Variants in THSD4 observed in about 807,000 individuals in gnomAD.
THSD4 encodes the protein thrombospondin type-1 domain-containing protein 4.
In THSD4, 69 loss-of-function variants were observed where a neutral mutation model predicts 119.0. The ratio of observed to expected loss-of-function variants is 0.58; its 90% CI spans 0.48 to 0.71. THSD4 has a LOEUF of 0.71. Ranked by LOEUF, THSD4 falls within the 30% of genes least tolerant of loss-of-function variation. The pLI is 0.00. For missense variants in THSD4, 1,393 were observed against 1,391.1 expected (o/e 1.00, Z -0.02); for synonymous variants, 524 against 540.4 (o/e 0.97, Z 0.42).
intron 7 of THSD4, among the ~76,000 whole-genome samples, chr15:71,455,501 T>C (rs1054386593): frequency 6.6e-6 from 1 of 152,134 alleles, no homozygotes; most frequent in Non-Finnish European, 1.5e-5. Context: ...CCTTAATGAG[T>C]AGCCATCATT....
At chr15:71,298,769 C>T in intron 6 of THSD4, among the ~76,000 whole-genome samples, 1 of 152,136 alleles carries the variant, frequency 6.6e-6, no homozygotes, top group East Asian at 1.9e-4. Context: ...CACGCCGCCA[C>T]ACCCGGCTAA....
At chr15:71,744,148 T>A (rs1251681247) in intron 11 of THSD4, among the ~76,000 whole-genome samples, 1 of 94,316 alleles carries the variant, frequency 1.1e-5, no homozygotes, top group Non-Finnish European at 1.9e-5. Context: ...TTGAATCAGC[T>A]TTTTTTTTTT....
chr15:71,471,884 A>G (rs2047585882), intron 7 of THSD4, among the ~76,000 whole-genome samples: 1 of 152,098 alleles, frequency 6.6e-6, no homozygotes, highest in Non-Finnish European at 1.5e-5. Context: ...CAACTTGGCC[A>G]CATCCAACCA....
chr15:71,390,525 C>G (rs2046362532), intron 6 of THSD4, among the ~76,000 whole-genome samples: 1 of 152,184 alleles, frequency 6.6e-6, no homozygotes. Flanking sequence ...GATCTTGTAT[C>G]TCCCTATGTC....
intron 3 of THSD4, among the ~76,000 whole-genome samples, chr15:71,191,797 G>A (rs986390947): frequency 1.4e-4 from 21 of 152,112 alleles, no homozygotes; most frequent in African/African-American, 3.6e-4. Context: ...CCAGGTCTCC[G>A]GGTCTCTTCA....
chr15:71,127,356 A>G (rs998469276), intron 1 of THSD4, among the ~76,000 whole-genome samples: 2 of 152,218 alleles, frequency 1.3e-5, no homozygotes, highest in African/African-American at 4.8e-5. Context: ...GGCTATTGTG[A>G]ATAGTGCTGC....
chr15:71,558,251 C>G (rs1337493752), intron 7 of THSD4, among the ~76,000 whole-genome samples: 2 of 152,148 alleles, frequency 1.3e-5, no homozygotes, highest in African/African-American at 4.8e-5. Context: ...TCGCTTGAAC[C>G]CAGGAGGTGG....
At chr15:71,661,732 T>C (rs2051312748) in intron 8 of THSD4, among the ~76,000 whole-genome samples, 1 of 152,212 alleles carries the variant, frequency 6.6e-6, no homozygotes, top group Non-Finnish European at 1.5e-5. Context: ...CTAATAGATG[T>C]AAGCATGTTT....
intron 7 of THSD4, among the ~76,000 whole-genome samples, chr15:71,468,669 C>T (rs978880732): frequency 7.2e-5 from 11 of 152,232 alleles, no homozygotes; most frequent in Admixed American, 2.0e-4. Context: ...TTCTGCCTCA[C>T]GTTAGGTAAG....
chr15:71,350,100 A>G (rs1391965786), intron 6 of THSD4, among the ~76,000 whole-genome samples: 1 of 151,432 alleles, frequency 6.6e-6, no homozygotes, highest in Non-Finnish European at 1.5e-5. Flanking sequence ...CTGGGGAGAT[A>G]GATTTCCAGC....
rs535425561 is a variant in THSD4 at position 71,490,697 on chromosome 15, C to T, written c.1152+78874C>T. ...TGAGCCAAGGTCGCACCACTGCACT[C>T]CAGCCTGGGTAACAGAGCAGGACTC... On this transcript the variant is annotated intron_variant, in intron 7 of 17. Coordinates refer to ENST00000261862, the MANE Select transcript of THSD4 (RefSeq NM_024817.3). Among the ~76,000 whole-genome samples, 3 of 152,196 alleles carry T rather than the reference C, an allele frequency of 2.0e-5. No individual in the cohort carries two copies. The South Asian group carries it at 6.2e-4, about 32-fold the overall frequency.
At chr15:71,170,502 C>T (rs1567144491) in intron 3 of THSD4, among the ~76,000 whole-genome samples, 1 of 152,198 alleles carries the variant, frequency 6.6e-6, no homozygotes, top group Admixed American at 6.5e-5. Flanking sequence ...TAACCCTAGA[C>T]TGTGTCCTGC....
intron 7 of THSD4, among the ~76,000 whole-genome samples, chr15:71,479,324 T>C (rs912841582): frequency 1.3e-5 from 2 of 152,090 alleles, no homozygotes; most frequent in African/African-American, 4.8e-5. Flanking sequence ...TTTGTCATGT[T>C]CACAACTTCT....
intron 4 of THSD4, among the ~76,000 whole-genome samples, chr15:71,221,829 A>G (rs1481154114): frequency 2.0e-5 from 3 of 152,192 alleles, no homozygotes; most frequent in Non-Finnish European, 4.4e-5. Context: ...AAGAACTGCC[A>G]TACTGTTTTC....
chr15:71,728,684 T>G lies in THSD4; in HGVS notation c.1493T>G (p.Phe498Cys). 2 of 1,614,232 alleles carry G rather than the reference T, an allele frequency of 1.2e-6. No individual in the cohort carries two copies. The highest frequency in any genetic ancestry group is 1.7e-6 in the Non-Finnish European group (2 of 1,180,032). ...NEISSTAGES[F>C]LAEGPTNEIL... ...ATTTCGAGCACTGCCGGAGAGTCCT[T>G]TTTGGCGGAAGGTCCCACCAACGAG... is the stretch of plus-strand genomic sequence containing the variant. Residue 498 changes from phenylalanine to cysteine, a missense_variant, in exon 9 of 18, where the codon TTT becomes TGT. Transcript: ENST00000261862.
intron 7 of THSD4, chr15:71,547,383 C>T: frequency 6.5e-7 from 1 of 1,550,152 alleles, no homozygotes. Context: ...GAGTTCTCCT[C>T]TAGGGTAGTT....
At chr15:71,771,857 C>T (rs778790117) in intron 17 of THSD4, among the ~76,000 whole-genome samples, 5 of 152,108 alleles carry the variant, frequency 3.3e-5, no homozygotes, top group Admixed American at 1.3e-4. Context: ...GAGGTTAGGC[C>T]CTCTCATGGG....
chr15:71,762,178 C>CACACAG (rs55645600), intron 15 of THSD4, among the ~76,000 whole-genome samples: 52,176 of 147,490 alleles, frequency 0.35, 12,688 homozygotes, highest in Non-Finnish European at 0.47. Context: ...CACACACACA[C>CACACAG]AGAGATAGAG....
intron 7 of THSD4, among the ~76,000 whole-genome samples, chr15:71,570,401 T>C (rs933134731): frequency 4.3e-5 from 5 of 116,500 alleles, no homozygotes; most frequent in Non-Finnish European, 7.4e-5. Context: ...TACTCAGATA[T>C]ACTTTTTTTT....
Sources: gnomAD v4.1 joint callset for allele counts (sites outside exome capture counted in the v4.1 genomes callset) on GRCh38, gnomAD v4.1.1 for gene constraint, MANE v1.5 for transcripts, NCBI Gene and HGNC (gene_info 2026-07-23, HGNC 2026-07-21) for gene names.